Variants in MACROD2 observed in about 807,000 individuals in gnomAD.
MACROD2 encodes ADP-ribose glycohydrolase MACROD2.
In MACROD2, 36 loss-of-function variants were observed where a neutral mutation model predicts 70.4. The observed-to-expected ratio is 0.51, with a 90% confidence interval of 0.39 to 0.68. The LOEUF (loss-of-function observed/expected upper bound fraction) is 0.68, where lower values mean the gene tolerates loss of function less well. MACROD2 is among the 30% of genes least tolerant of loss of function. The pLI is 0.00. For missense variants in MACROD2, 496 were observed against 538.4 expected (o/e 0.92, Z 0.78); for synonymous variants, 172 against 178.8 (o/e 0.96, Z 0.30).
chr20:14,730,995 A>G (rs73897203), intron 5 of MACROD2, among the ~76,000 whole-genome samples: 1 of 112,310 alleles, frequency 8.9e-6, no homozygotes, highest in East Asian at 4.1e-4. Context: ...ACACACACAC[A>G]CACACACACA....
At chr20:15,759,935 AGAGGAGAACT>A in intron 8 of MACROD2, among the ~76,000 whole-genome samples, 1 of 152,272 alleles carries the variant, frequency 6.6e-6, no homozygotes, top group East Asian at 1.9e-4. Context: ...GCCTTTCCCA[AGAGGAGAACT>A]GAATTTTTGC....
chr20:15,659,224 C>T (rs1405892482), intron 8 of MACROD2, among the ~76,000 whole-genome samples: 1 of 148,434 alleles, frequency 6.7e-6, no homozygotes, highest in Non-Finnish European at 1.5e-5. Flanking sequence ...TGGTTATTTC[C>T]ATTTATTTTT....
intron 5 of MACROD2, among the ~76,000 whole-genome samples, chr20:14,824,523 T>C (rs999878661): frequency 1.3e-5 from 2 of 152,024 alleles, no homozygotes. Flanking sequence ...CATGGTGGTT[T>C]AATATACACA....
chr20:15,739,342 T>TTG (rs2051070610), intron 8 of MACROD2, among the ~76,000 whole-genome samples: 1 of 152,176 alleles, frequency 6.6e-6, no homozygotes, highest in African/African-American at 2.4e-5. Context: ...AGATAGGGGT[T>TTG]CAAATCTGGA....
intron 1 of MACROD2, among the ~76,000 whole-genome samples, chr20:14,001,990 C>T (rs76905980): frequency 6.6e-6 from 1 of 152,166 alleles, no homozygotes; most frequent in African/African-American, 2.4e-5. Flanking sequence ...TATCACTTAT[C>T]CAGCATATCA....
chr20:14,170,605 T>A (rs1336500467), intron 3 of MACROD2, among the ~76,000 whole-genome samples: 1 of 152,180 alleles, frequency 6.6e-6, no homozygotes, highest in African/African-American at 2.4e-5. Flanking sequence ...GAGATGATCA[T>A]GGGATTTTTG....
At chr20:14,440,336 A>G (rs2084107312) in intron 3 of MACROD2, among the ~76,000 whole-genome samples, 1 of 152,060 alleles carries the variant, frequency 6.6e-6, no homozygotes, top group African/African-American at 2.4e-5. Flanking sequence ...TTAAAACATT[A>G]TGAGGTTTTT....
chr20:15,114,581 C>T (rs2075978996), intron 5 of MACROD2, among the ~76,000 whole-genome samples: 1 of 152,166 alleles, frequency 6.6e-6, no homozygotes, highest in African/African-American at 2.4e-5. Flanking sequence ...AAAAGGAACA[C>T]AGCTTGGCTG....
intron 3 of MACROD2, among the ~76,000 whole-genome samples, chr20:14,222,635 C>G (rs559408437): frequency 6.6e-6 from 1 of 151,936 alleles, no homozygotes; most frequent in East Asian, 1.9e-4. Flanking sequence ...TACATTTATA[C>G]AAATTTTTAA....
chr20:15,910,783 A>G (rs933786842), intron 10 of MACROD2, among the ~76,000 whole-genome samples: 5 of 152,196 alleles, frequency 3.3e-5, no homozygotes, highest in Non-Finnish European at 5.9e-5. Context: ...AACCTACCAC[A>G]TGGTTTGTAG....
At chr20:15,619,903 A>G (rs2049100551) in intron 8 of MACROD2, 1 of 153,052 alleles carries the variant, frequency 6.5e-6, no homozygotes, top group Non-Finnish European at 1.5e-5. Flanking sequence ...TGGGGAGGGG[A>G]AACGGGACAT....
At chr20:15,330,874 T>G (rs2077984265) in intron 6 of MACROD2, among the ~76,000 whole-genome samples, 2 of 151,678 alleles carry the variant, frequency 1.3e-5, no homozygotes, top group Admixed American at 1.3e-4. Flanking sequence ...AGCTTCTTAC[T>G]GCCCTGAAGT....
intron 4 of MACROD2, among the ~76,000 whole-genome samples, chr20:14,563,162 C>T (rs1173988638): frequency 2.0e-5 from 3 of 151,752 alleles, no homozygotes; most frequent in Non-Finnish European, 4.4e-5. Flanking sequence ...GCATCTTCCC[C>T]AGGTTGTTCC....
Position 14,080,704 on chromosome 20 carries a change from C to T in MACROD2, c.164-4917C>T, listed in dbSNP as rs535212187. 1.1e-4 allele frequency among the ~76,000 whole-genome samples: 17 copies of T among 151,736 alleles called. No homozygotes were observed. In the South Asian group the frequency reaches 1.7e-3, roughly 15 times the overall value. On this transcript the variant is annotated intron_variant, in intron 2 of 17. Transcript: ENST00000684519. ...CCTGTTCATTTTTTTTTTAGCTTTC[C>T]GTTGTCAACCTATAAACTGGACTGG... is the stretch of plus-strand genomic sequence containing the variant.
At chr20:14,616,739 T>C (rs1983504307) in intron 4 of MACROD2, among the ~76,000 whole-genome samples, 2 of 152,144 alleles carry the variant, frequency 1.3e-5, no homozygotes, top group African/African-American at 4.8e-5. Context: ...AAAAATGAGA[T>C]GGATGAACTG....
chr20:14,984,188 G>C (rs992941670), intron 5 of MACROD2, among the ~76,000 whole-genome samples: 4 of 152,156 alleles, frequency 2.6e-5, no homozygotes, highest in African/African-American at 9.7e-5. Flanking sequence ...TTCAGCTTTA[G>C]AGCTGCCTTA....
chr20:14,948,125 C>T (rs983581774), intron 5 of MACROD2, among the ~76,000 whole-genome samples: 15 of 152,134 alleles, frequency 9.9e-5, no homozygotes, highest in Admixed American at 7.9e-4. Flanking sequence ...CCTCTGTGCC[C>T]CCACCAGCTG....
At chr20:14,571,634 G>A (rs913195996) in intron 4 of MACROD2, among the ~76,000 whole-genome samples, 3 of 151,894 alleles carry the variant, frequency 2.0e-5, no homozygotes, top group African/African-American at 7.3e-5. Context: ...GCACAAGGAG[G>A]GTCTTAAGCA....
chr20:14,421,759 AT>A (rs930959943), intron 3 of MACROD2, among the ~76,000 whole-genome samples: 1 of 151,708 alleles, frequency 6.6e-6, no homozygotes, highest in Non-Finnish European at 1.5e-5. Context: ...TGTGATTGGA[AT>A]TTTTTTTGTA....
Sources: allele counts gnomAD v4.1 joint callset (sites outside exome capture counted in the v4.1 genomes callset), GRCh38; gene constraint gnomAD v4.1.1; transcripts MANE v1.5; gene names NCBI Gene and HGNC (gene_info 2026-07-23, HGNC 2026-07-21).